The following IFT56 variants were observed in gnomAD, a reference collection of about 807,000 sequenced individuals.
The protein encoded by IFT56 is intraflagellar transport 56, also known as intraflagellar transport protein 56.
At chr7:139,175,864 C>G in the IFT56 span, among the ~76,000 whole-genome samples, 1 of 151,958 alleles carries the variant, frequency 6.6e-6, no homozygotes, top group African/African-American at 2.4e-5. Flanking sequence ...GAGTCTTGCT[C>G]TGTTGCCCAG....
the IFT56 span, chr7:139,139,817 A>G: frequency 1.1e-6 from 1 of 935,590 alleles, no homozygotes; most frequent in African/African-American, 1.7e-5. Flanking sequence ...ATGAAATCCT[A>G]TTCCATTGTG....
the IFT56 span, among the ~76,000 whole-genome samples, chr7:139,157,495 A>ATT: frequency 7.2e-3 from 593 of 82,406 alleles, 17 homozygotes; most frequent in African/African-American, 0.023. Context: ...TTTGTATTGG[A>ATT]TTTTTTTTTT....
chr7:139,165,066 T>G, the IFT56 span: 2 of 1,332,716 alleles, frequency 1.5e-6, no homozygotes, highest in African/African-American at 2.9e-5. Flanking sequence ...GCCAGCTCCT[T>G]AAACATTGTC....
the IFT56 span, among the ~76,000 whole-genome samples, chr7:139,180,112 T>C: frequency 1.4e-5 from 2 of 147,618 alleles, no homozygotes; most frequent in Admixed American, 6.7e-5. Context: ...CCAAGGCGGG[T>C]GGATCACGAG....
chr7:139,167,776 T>C, the IFT56 span, among the ~76,000 whole-genome samples: 2 of 151,840 alleles, frequency 1.3e-5, no homozygotes, highest in African/African-American at 4.8e-5. Context: ...CCGTCTCTAC[T>C]ACAAATACAA....
the IFT56 span, among the ~76,000 whole-genome samples, chr7:139,178,880 T>G: frequency 6.6e-6 from 1 of 151,576 alleles, no homozygotes; most frequent in African/African-American, 2.4e-5. Context: ...CTGGGCAACA[T>G]AGCAAGACCC....
the IFT56 span, among the ~76,000 whole-genome samples, chr7:139,185,708 C>G: frequency 2.0e-5 from 3 of 151,922 alleles, no homozygotes; most frequent in African/African-American, 7.3e-5. Flanking sequence ...TTGTGTTGCT[C>G]TCAGTGTCTT....
At chr7:139,176,493 C>G in the IFT56 span, among the ~76,000 whole-genome samples, 1 of 151,998 alleles carries the variant, frequency 6.6e-6, no homozygotes, top group Non-Finnish European at 1.5e-5. Flanking sequence ...TAATGTTCAC[C>G]TATATTGCCC....
At chr7:139,163,647 G>A in the IFT56 span, among the ~76,000 whole-genome samples, 5 of 152,106 alleles carry the variant, frequency 3.3e-5, no homozygotes, top group African/African-American at 1.2e-4. Flanking sequence ...GAAACAGTGG[G>A]GCCAAGTGGA....
chr7:139,178,745 G>A, the IFT56 span: 1 of 699,654 alleles, frequency 1.4e-6, no homozygotes, highest in East Asian at 2.8e-5. Flanking sequence ...TGTGGAGAAG[G>A]TGCAGTGACA....
the IFT56 span, among the ~76,000 whole-genome samples, chr7:139,171,033 G>A: frequency 4.6e-5 from 7 of 152,070 alleles, no homozygotes; most frequent in Admixed American, 2.0e-4. Context: ...AACAAAAATC[G>A]TTGGCATTTC....
At chr7:139,154,701 G>A in the IFT56 span, among the ~76,000 whole-genome samples, 11 of 152,080 alleles carry the variant, frequency 7.2e-5, no homozygotes, top group Non-Finnish European at 1.5e-4. Flanking sequence ...GTCTATATGT[G>A]TATCCTTACA....
At chr7:139,159,541 A>G in the IFT56 span, among the ~76,000 whole-genome samples, 4 of 152,144 alleles carry the variant, frequency 2.6e-5, no homozygotes, top group African/African-American at 4.8e-5. Flanking sequence ...AGGGTCTTTC[A>G]CTAGACTTCC....
the IFT56 span, chr7:139,187,631 C>A: frequency 6.9e-7 from 1 of 1,448,920 alleles, no homozygotes; most frequent in Non-Finnish European, 9.5e-7. Flanking sequence ...TCTGAAAACA[C>A]ATGATTATAA....
chr7:139,134,061 A>G, the IFT56 span, among the ~76,000 whole-genome samples: 2 of 152,136 alleles, frequency 1.3e-5, no homozygotes, highest in South Asian at 2.1e-4. Context: ...GTTTACTCAC[A>G]TTTAAACCAC....
At chr7:139,133,815 C>CG in the IFT56 span, 3 of 1,614,016 alleles carry the variant, frequency 1.9e-6, no homozygotes, top group South Asian at 2.2e-5. Flanking sequence ...CGCTGAGGCG[C>CG]GGCCTTCGCT....
the IFT56 span, chr7:139,142,418 T>C: frequency 2.1e-6 from 2 of 959,728 alleles, no homozygotes; most frequent in South Asian, 2.9e-5. Flanking sequence ...GTTAATGGTT[T>C]TCTAGAACAA....
At chr7:139,165,142 G>A in the IFT56 span, 15 of 1,612,420 alleles carry the variant, frequency 9.3e-6, no homozygotes, top group East Asian at 2.2e-5. Context: ...GTTGTTTTCC[G>A]AGGAGGTGAA....
At chr7:139,158,236 C>T in the IFT56 span, among the ~76,000 whole-genome samples, 2 of 146,022 alleles carry the variant, frequency 1.4e-5, no homozygotes, top group Admixed American at 1.4e-4. Context: ...ATCGCTTGAA[C>T]CTGGGAGGCA....
Sources: gnomAD v4.1 joint callset for allele counts (sites outside exome capture counted in the v4.1 genomes callset) on GRCh38, gnomAD v4.1.1 for gene constraint, MANE v1.5 for transcripts, NCBI Gene and HGNC (gene_info 2026-07-23, HGNC 2026-07-21) for gene names.